The following IGSF10 variants were observed in gnomAD, a reference collection of about 807,000 sequenced individuals.
The protein encoded by IGSF10 is calvaria mechanical force protein 608.
A neutral mutation model predicts 128.2 loss-of-function variants in IGSF10; 126 were observed. The observed-to-expected ratio is 0.98, with a 90% CI of 0.85 to 1.14. The LOEUF (loss-of-function observed/expected upper bound fraction) is 1.14. IGSF10 is among the 50% of genes most tolerant of loss of function. The pLI is 0.00. For synonymous variants in IGSF10, 1,185 were observed against 1,146.2 expected (o/e 1.03, Z -0.68); for missense variants, 3,295 against 3,149.8 (o/e 1.05, Z -1.10).
the IGSF10 span, among the ~76,000 whole-genome samples, chr3:151,532,623 AAC>A: frequency 6.6e-6 from 1 of 152,188 alleles, no homozygotes; most frequent in African/African-American, 2.4e-5. Flanking sequence ...GACAACACTC[AAC>A]AGCGCTTCAT....
the IGSF10 span, among the ~76,000 whole-genome samples, chr3:151,598,554 A>G: frequency 6.6e-6 from 1 of 152,214 alleles, no homozygotes; most frequent in Non-Finnish European, 1.5e-5. Context: ...TTTGCATATA[A>G]TCTATGTACA....
At chr3:151,450,053 G>C (rs1479577848) in intron 5 of IGSF10, among the ~76,000 whole-genome samples, 2 of 152,194 alleles carry the variant, frequency 1.3e-5, no homozygotes, top group East Asian at 3.8e-4. Context: ...GCAGTGGGGA[G>C]GCTCATTAAA....
chr3:151,527,791 T>A, the IGSF10 span, among the ~76,000 whole-genome samples: 1 of 151,220 alleles, frequency 6.6e-6, no homozygotes, highest in Non-Finnish European at 1.5e-5. Flanking sequence ...CTCTACAATT[T>A]TTTTTTTTTT....
chr3:151,444,911 T>C lies in IGSF10; in HGVS notation c.5062+8A>G. On this transcript the variant is annotated splice_region_variant and intron_variant, in intron 6 of 7. Transcript: ENST00000282466. ...AAAAACTAAGTGTAAAGAAAAAGTTTCACATACCTGATGGGACTCTGGTCC... is the reference window on the plus strand; with the variant it reads ...AAAAACTAAGTGTAAAGAAAAAGTTCCACATACCTGATGGGACTCTGGTCC... The C allele has an allele frequency of 6.4e-7, 1 of 1,560,490 alleles. No homozygotes were observed. Among genetic ancestry groups the C allele is most frequent in the African/African-American group, 1.4e-5 (1 of 72,460 alleles).
the IGSF10 span, among the ~76,000 whole-genome samples, chr3:151,515,382 C>T: frequency 8.8e-5 from 13 of 147,518 alleles, no homozygotes; most frequent in South Asian, 2.8e-3. Flanking sequence ...AAAAACCAAA[C>T]ACCGCATATT....
chr3:151,596,903 A>G, the IGSF10 span, among the ~76,000 whole-genome samples: 2 of 152,178 alleles, frequency 1.3e-5, no homozygotes, highest in East Asian at 3.8e-4. Context: ...GGTAAATGGT[A>G]TGGCGAGCTG....
chr3:151,614,147 C>A, the IGSF10 span, among the ~76,000 whole-genome samples: 8 of 152,088 alleles, frequency 5.3e-5, no homozygotes, highest in African/African-American at 1.4e-4. Flanking sequence ...GTTAGAATGG[C>A]GATCACTAAA....
the IGSF10 span, among the ~76,000 whole-genome samples, chr3:151,585,369 G>A: frequency 1.8e-3 from 275 of 152,202 alleles, 1 homozygote; most frequent in African/African-American, 6.5e-3. Context: ...ATGGGACAAA[G>A]CTGTTTAATA....
At chr3:151,606,547 C>A in the IGSF10 span, among the ~76,000 whole-genome samples, 1 of 152,166 alleles carries the variant, frequency 6.6e-6, no homozygotes, top group Non-Finnish European at 1.5e-5. Flanking sequence ...GGACACCTGA[C>A]CAAAGGGCTG....
rs1298513691 is a variant in IGSF10 at position 151,438,364 on chromosome 3, G to A, written c.6197C>T (p.Pro2066Leu). The change falls in exon 8 of 8, where the codon CCA (proline) becomes CTA (leucine). Residue 2066 changes from proline to leucine, a missense_variant. Coordinates refer to ENST00000282466, the MANE Select transcript of IGSF10 (RefSeq NM_178822.5). ...CAAACTCCAAGATATCTCTGGCACT[G>A]GGGAGCCGGAAGCTTTGCAATCTAC... Reference protein sequence around the residue: ...FQVDCKASGSPVPEISWSLPD... With the variant: ...FQVDCKASGSLVPEISWSLPD... The A allele has an allele frequency of 6.2e-7, 1 of 1,614,116 alleles. No homozygotes were observed.
chr3:151,558,005 A>AATATATATTATATATATATATTAT, the IGSF10 span, among the ~76,000 whole-genome samples: 165 of 39,502 alleles, frequency 4.2e-3, 1 homozygote, highest in African/African-American at 0.019. Flanking sequence ...AAGTATATAT[A>AATATATATTATATATATATATTAT]ATATATATAT....
At position 151,437,550 on chromosome 3, in the gene IGSF10, C is replaced by T. The variant is rs925581654; in HGVS notation, c.7011G>A (p.Pro2337=). Residue 2337 remains proline, a synonymous_variant, in exon 8 of 8, where the codon CCG becomes CCA. Transcript: ENST00000282466. ...TTTCATTAAATGGATTTCTAAATGTCGGTCTTCTCAGCATTTCCAGTACTT... is the reference window on the plus strand; with the variant it reads ...TTTCATTAAATGGATTTCTAAATGTTGGTCTTCTCAGCATTTCCAGTACTT... ...QLEVLEMLRR[P]TFRNPFNEKI... 2.5e-6 allele frequency: 4 copies of T among 1,614,138 alleles called. No individual in the cohort carries two copies. The highest frequency in any genetic ancestry group is 3.4e-6 in the Non-Finnish European group (4 of 1,180,020).
chr3:151,442,298 C>G (rs1720900043), intron 7 of IGSF10, among the ~76,000 whole-genome samples: 1 of 151,792 alleles, frequency 6.6e-6, no homozygotes, highest in Non-Finnish European at 1.5e-5. Flanking sequence ...CGGAGTGTCT[C>G]TCTCTAGAAT....
the IGSF10 span, among the ~76,000 whole-genome samples, chr3:151,537,065 G>C: frequency 3.3e-5 from 5 of 152,290 alleles, no homozygotes; most frequent in South Asian, 1.0e-3. Flanking sequence ...ATTTGCTTGG[G>C]ATGATTTGCA....
At chr3:151,526,324 ATTGTT>A in the IGSF10 span, among the ~76,000 whole-genome samples, 1 of 148,344 alleles carries the variant, frequency 6.7e-6, no homozygotes, top group Non-Finnish European at 1.5e-5. Flanking sequence ...ATTTTTCTTG[ATTGTT>A]TTTTTTTTCA....
At chr3:151,500,489 T>C in the IGSF10 span, among the ~76,000 whole-genome samples, 16,258 of 152,218 alleles carry the variant, frequency 0.11, 1,159 homozygotes, top group Non-Finnish European at 0.16. Flanking sequence ...GCTTACTTAT[T>C]TGCTTAAATA....
chr3:151,477,038 A>T, the IGSF10 span, among the ~76,000 whole-genome samples: 3 of 152,322 alleles, frequency 2.0e-5, no homozygotes, highest in South Asian at 4.1e-4. Flanking sequence ...CTTCTACACC[A>T]CTGAGGCATT....
chr3:151,438,525 A>T lies in IGSF10; in HGVS notation c.6036T>A (p.Gly2012=), dbSNP rs375721071. 2.5e-6 allele frequency: 4 copies of T among 1,614,064 alleles called. No homozygotes were observed. Among genetic ancestry groups the T allele is most frequent in the Non-Finnish European group, 3.4e-6 (4 of 1,180,026 alleles). ...TGTTTCTTGCCACACACAAGTAGACACCACTGTCTTTTTCTGTTACTGATC... is the reference window on the plus strand; with the variant it reads ...TGTTTCTTGCCACACACAAGTAGACTCCACTGTCTTTTTCTGTTACTGATC... ...FIGSVTEKDS[G]VYLCVARNKM... is the part of the protein sequence containing the mutation. Residue 2012 remains glycine (G), a synonymous_variant, in exon 8 of 8, where the codon GGT becomes GGA. Coordinates refer to ENST00000282466, the MANE Select transcript of IGSF10 (RefSeq NM_178822.5).
rs575333339 is a variant in IGSF10 at position 151,446,547 on chromosome 3, T to C, written c.3434A>G (p.Tyr1145Cys). ...TTCCATGGGTATGGATGTTGGAGCA[T>C]ATGTCATGACTGCACCAGTTGGAGT... ...QVTPTGAVMT[Y>C]APTSIPMEKT... The change falls in exon 6 of 8, where the codon TAT (tyrosine) becomes TGT (cysteine). Residue 1145 changes from tyrosine to cysteine, a missense_variant. Transcript: ENST00000282466. The C allele has an allele frequency of 8.7e-6, 14 of 1,614,092 alleles. No individual in the cohort carries two copies. In the South Asian group the frequency reaches 1.4e-4, roughly 16 times the overall value.
Sources: allele counts gnomAD v4.1 joint callset (sites outside exome capture counted in the v4.1 genomes callset), GRCh38; gene constraint gnomAD v4.1.1; transcripts MANE v1.5; gene names NCBI Gene and HGNC (gene_info 2026-07-23, HGNC 2026-07-21).